DLGAP1: variants seen among roughly 807,000 people sequenced by gnomAD.
The protein encoded by DLGAP1 is disks large-associated protein 1.
DLGAP1 carries 11 observed loss-of-function variants against 90.8 expected under a neutral mutation model. The ratio of observed to expected loss-of-function variants is 0.12; its 90% CI spans 0.08 to 0.20. DLGAP1 has a LOEUF of 0.20. Among genes scored for constraint, DLGAP1 ranks in the 10% least tolerant of loss-of-function variants. The pLI, the probability that DLGAP1 is intolerant of heterozygous loss-of-function variation, is 1.00. For missense variants in DLGAP1, 1,050 were observed against 1,333.8 expected (o/e 0.79, Z 3.31); for synonymous variants, 558 against 540.7 (o/e 1.03, Z -0.44).
At chr18:3,955,739 G>C (rs1029070481) in intron 3 of DLGAP1, among the ~76,000 whole-genome samples, 1 of 151,626 alleles carries the variant, frequency 6.6e-6, no homozygotes, top group Non-Finnish European at 1.5e-5. Context: ...GTTAGGTAGA[G>C]ACATGAAAGA....
At position 3,508,647 on chromosome 18, in the gene DLGAP1, G is replaced by A. The variant is rs749763519; in HGVS notation, c.2494C>T (p.Arg832Ter). ...NLPEDILGKI[R>*]TAVGSAQLLM... ...AGTTGGGCACTGCCCACTGCGGTTC[G>A]GATTTTTCCTAGAACTGGAAAGAGC... The change falls in exon 11 of 13, where the codon CGA becomes TGA. Residue 832 changes from arginine (R) to a stop codon, truncating the protein, a stop_gained. Transcript: ENST00000315677. LOFTEE classifies it high-confidence loss of function. 6.2e-7 allele frequency: 1 copy of A among 1,613,662 alleles called. No homozygotes were observed.
rs2147434384 is a variant in DLGAP1, at chr18:3,727,565, A to C, written c.1591+1570T>G. The C allele has an allele frequency of 6.6e-6, 1 of 152,350 alleles. No individual in the cohort carries two copies. Among genetic ancestry groups the C allele is most frequent in the South Asian group, 2.1e-4 (1 of 4,810 alleles). 9.4% of individuals were successfully genotyped at this position (152,350 alleles called of 1,614,324 possible). ...AGTTCATCATACAGAAGAATGGACC[A>C]GACACTGGGAACGGGTTGTGTGTTG... On this transcript the variant is annotated intron_variant, in intron 7 of 12. Transcript: ENST00000315677. This position sits in a 1 kb window ranked among gnomAD's most constrained non-coding sequence, Gnocchi z 4.7.
In DLGAP1 at chr18:4,345,873, T is replaced by C. The variant is rs142756003; in HGVS notation, c.-267+109133A>G. ...AAATATCACCTGCAAACAGTAAATA[T>C]AGTTTTCAAACTCTTACACAGTGTT... On this transcript the variant is annotated intron_variant, in intron 1 of 12. Coordinates refer to ENST00000315677, the MANE Select transcript of DLGAP1 (RefSeq NM_004746.4). Among the ~76,000 whole-genome samples, 4 of 152,340 alleles carry C rather than the reference T, an allele frequency of 2.6e-5. No individual in the cohort carries two copies. The East Asian group carries it at 5.8e-4, about 22-fold the overall frequency.
chr18:3,561,640 A>G (rs957882723), intron 9 of DLGAP1, among the ~76,000 whole-genome samples: 21 of 150,306 alleles, frequency 1.4e-4, no homozygotes, highest in Non-Finnish European at 1.8e-4. Flanking sequence ...AAAATTCTAG[A>G]TGGGTGTTTT....
chr18:3,907,573 C>G (rs2045203416), intron 3 of DLGAP1, among the ~76,000 whole-genome samples: 1 of 152,154 alleles, frequency 6.6e-6, no homozygotes, highest in Non-Finnish European at 1.5e-5. Flanking sequence ...TGAGTGACCT[C>G]AGAGAGCCCC....
chr18:4,393,861 G>A (rs1013357630), intron 1 of DLGAP1, among the ~76,000 whole-genome samples: 10 of 152,216 alleles, frequency 6.6e-5, no homozygotes, highest in Non-Finnish European at 1.0e-4. Flanking sequence ...TAGATCCCTC[G>A]CATGTGCAGC....
chr18:4,144,021 A>T (rs2076538859), intron 2 of DLGAP1, among the ~76,000 whole-genome samples: 1 of 151,970 alleles, frequency 6.6e-6, no homozygotes, highest in Non-Finnish European at 1.5e-5. Context: ...TCCTCTCCTC[A>T]AGCAGAGGGA....
chr18:4,370,173 A>G (rs1388058205), intron 1 of DLGAP1, among the ~76,000 whole-genome samples: 6 of 152,216 alleles, frequency 3.9e-5, no homozygotes, highest in African/African-American at 7.2e-5. Context: ...AATGTTTAGA[A>G]TTGGATGAGA....
At chr18:4,037,440 T>A (rs1444203815) in intron 2 of DLGAP1, among the ~76,000 whole-genome samples, 2 of 152,214 alleles carry the variant, frequency 1.3e-5, no homozygotes, top group Non-Finnish European at 2.9e-5. Context: ...TTAAAACTTC[T>A]TAGACTTGGT....
intron 1 of DLGAP1, among the ~76,000 whole-genome samples, chr18:4,357,606 TAAGAG>T (rs1272026556): frequency 6.6e-6 from 1 of 152,222 alleles, no homozygotes; most frequent in Non-Finnish European, 1.5e-5. Context: ...TATTTCCAAA[TAAGAG>T]AAGAGTTGGT....
intron 4 of DLGAP1, among the ~76,000 whole-genome samples, chr18:3,866,297 G>T (rs915811342): frequency 2.6e-5 from 4 of 152,116 alleles, no homozygotes; most frequent in Admixed American, 1.3e-4. Flanking sequence ...CCAATTTTTT[G>T]GGGGGAACTT....
In DLGAP1 at chr18:3,909,701, T is replaced by G. The variant is rs75535030; in HGVS notation, c.-72-29561A>C. Among the ~76,000 whole-genome samples the G allele has an allele frequency of 9.2e-3, 1,401 of 152,322 alleles. 18 individuals are homozygous for G. Among genetic ancestry groups the G allele is most frequent in the Middle Eastern group, 0.058 (17 of 294 alleles). On this transcript the variant is annotated intron_variant, in intron 3 of 12. Coordinates refer to ENST00000315677, the MANE Select transcript of DLGAP1 (RefSeq NM_004746.4). The stretch of plus-strand genomic sequence containing the variant: ...CTTTGAACAGCAGGGATCATATACA[T>G]GCTCTATTTTTGGTGTCTTTCCAGT...
At chr18:3,990,707 G>C (rs962291726) in intron 3 of DLGAP1, among the ~76,000 whole-genome samples, 1 of 150,536 alleles carries the variant, frequency 6.6e-6, no homozygotes, top group African/African-American at 2.4e-5. Flanking sequence ...AGTATTAAAA[G>C]AAGAATAACC....
At position 3,879,281 on chromosome 18, in the gene DLGAP1, G is replaced by C; in HGVS notation, c.788C>G (p.Ala263Gly). ...SNNDVKCSTC[A>G]NLPVSLDTPL... ...GGTGTCCAGGCTGACCGGCAGGTTGGCGCAGGTGGAGCACTTGACGTCGTT... is the reference window on the plus strand; with the variant it reads ...GGTGTCCAGGCTGACCGGCAGGTTGCCGCAGGTGGAGCACTTGACGTCGTT... Residue 263 changes from alanine (A) to glycine (G), a missense_variant, in exon 4 of 13, where the codon GCC becomes GGC. Around this residue, in one of 2 missense-constraint regions of DLGAP1, gnomAD observed 485 missense variants for 454.1 expected, o/e 1.07. Coordinates refer to ENST00000315677, the MANE Select transcript of DLGAP1 (RefSeq NM_004746.4). This position sits in a 1 kb window ranked among gnomAD's most constrained non-coding sequence, Gnocchi z 6.6. 1 of 1,597,320 alleles carries C rather than the reference G, an allele frequency of 6.3e-7. No homozygotes were observed.
intron 4 of DLGAP1, among the ~76,000 whole-genome samples, chr18:3,872,093 A>G (rs2070780412): frequency 6.6e-6 from 1 of 152,170 alleles, no homozygotes; most frequent in Admixed American, 6.5e-5. Context: ...GAAATGGAAA[A>G]AAAGCAGGCA....
chr18:4,423,390 A>C (rs1598398245), intron 1 of DLGAP1, among the ~76,000 whole-genome samples: 1 of 152,180 alleles, frequency 6.6e-6, no homozygotes, highest in African/African-American at 2.4e-5. Context: ...TAGGTTGTTA[A>C]AATTTTCGTA....
At chr18:4,223,008 A>G (rs2078109637) in intron 1 of DLGAP1, among the ~76,000 whole-genome samples, 2 of 152,110 alleles carry the variant, frequency 1.3e-5, no homozygotes, top group Non-Finnish European at 2.9e-5. Context: ...AGTCTCAGCT[A>G]CTCTGGAGGC....
At chr18:4,033,233 G>A (rs2074827771) in intron 2 of DLGAP1, among the ~76,000 whole-genome samples, 1 of 151,524 alleles carries the variant, frequency 6.6e-6, no homozygotes, top group South Asian at 2.1e-4. Flanking sequence ...GTTCAGATAA[G>A]GCTAACGTGT....
chr18:4,005,204 G>C lies in DLGAP1; in HGVS notation c.-158-3C>G, dbSNP rs906912450. On this transcript the variant is annotated splice_polypyrimidine_tract_variant and splice_region_variant and intron_variant, in intron 2 of 12. Transcript: ENST00000315677. ...GTGGATCCCAGAAGAGATTTAGCCTGTTGGGAGCATAATGCATGTTTTAGT... is the reference window on the plus strand; with the variant it reads ...GTGGATCCCAGAAGAGATTTAGCCTCTTGGGAGCATAATGCATGTTTTAGT... The C allele has an allele frequency of 6.6e-6, 1 of 152,124 alleles. No homozygotes were observed. The highest frequency in any genetic ancestry group is 1.9e-4 in the East Asian group (1 of 5,180). 9.4% of individuals were successfully genotyped at this position (152,124 alleles called of 1,614,324 possible).
Sources: allele counts gnomAD v4.1 joint callset (sites outside exome capture counted in the v4.1 genomes callset), GRCh38; gene constraint gnomAD v4.1.1; regional missense constraint gnomAD v4.1.1; non-coding constraint Gnocchi (gnomAD v3.1); transcripts MANE v1.5; gene names NCBI Gene and HGNC (gene_info 2026-07-23, HGNC 2026-07-21).